CDH13: variants seen among roughly 807,000 people sequenced by gnomAD.
CDH13 encodes cadherin 13, also known as cadherin-13.
A neutral mutation model predicts 63.8 loss-of-function variants in CDH13; 24 were observed. The ratio of observed to expected loss-of-function variants is 0.38; its 90% CI spans 0.27 to 0.53. The LOEUF (loss-of-function observed/expected upper bound fraction) is 0.53, where lower values mean the gene tolerates loss of function less well. Ranked by LOEUF, CDH13 falls within the 20% of genes least tolerant of loss-of-function variation. CDH13 has a pLI of 0.85. For synonymous variants in CDH13, 503 were observed against 355.3 expected (o/e 1.42, Z -4.67); for missense variants, 1,049 against 903.1 (o/e 1.16, Z -2.07).
intron 3 of CDH13, among the ~76,000 whole-genome samples, chr16:83,099,781 T>C (rs2034385985): frequency 6.6e-6 from 1 of 152,066 alleles, no homozygotes; most frequent in African/African-American, 2.4e-5. Flanking sequence ...ACCAAAAGGC[T>C]GTTTTGAGTA....
At chr16:82,678,450 G>T (rs1914184485) in intron 1 of CDH13, among the ~76,000 whole-genome samples, 1 of 151,740 alleles carries the variant, frequency 6.6e-6, no homozygotes, top group African/African-American at 2.4e-5. Context: ...ACTTCTTAAG[G>T]GCAAGGAATA....
chr16:83,061,681 C>T lies in CDH13; in HGVS notation c.366+29463C>T, dbSNP rs767869417. ...TTGCACTGCATTAAGTGAAACCAGACGCCTCCAGTTAAACTCCAGTGAGCT... is the reference window on the plus strand; with the variant it reads ...TTGCACTGCATTAAGTGAAACCAGATGCCTCCAGTTAAACTCCAGTGAGCT... On this transcript the variant is annotated intron_variant, in intron 3 of 13. Transcript: ENST00000567109. 5.3e-5 allele frequency among the ~76,000 whole-genome samples: 8 copies of T among 152,142 alleles called. No individual in the cohort carries two copies. In the East Asian group the frequency reaches 7.7e-4, roughly 15 times the overall value.
intron 3 of CDH13, among the ~76,000 whole-genome samples, chr16:83,119,208 C>G (rs1013355428): frequency 1.3e-5 from 2 of 152,186 alleles, no homozygotes; most frequent in East Asian, 3.8e-4. Flanking sequence ...GCTACGCTGA[C>G]TAAACTTTCT....
chr16:83,298,449 A>G (rs756526159), intron 5 of CDH13, among the ~76,000 whole-genome samples: 3 of 152,168 alleles, frequency 2.0e-5, no homozygotes, highest in Non-Finnish European at 4.4e-5. Context: ...TATGTGACGG[A>G]TTCCTAGGCC....
rs79689556 is a variant in CDH13 at position 83,351,497 on chromosome 16, T to C, written c.781+6491T>C. Among the ~76,000 whole-genome samples the C allele has an allele frequency of 6.3e-3, 964 of 152,254 alleles. 9 individuals are homozygous for C. The highest frequency in any genetic ancestry group is 0.022 in the African/African-American group (922 of 41,556). On this transcript the variant is annotated intron_variant, in intron 6 of 13. Coordinates refer to ENST00000567109, the MANE Select transcript of CDH13 (RefSeq NM_001257.5). The stretch of plus-strand genomic sequence containing the variant: ...AGTTTTACAGAATGGGAGCTCTATG[T>C]GCTTTTCCGTAAATCTCTCTCTTCA...
chr16:82,931,145 A>G (rs1431727362), intron 2 of CDH13, among the ~76,000 whole-genome samples: 1 of 152,204 alleles, frequency 6.6e-6, no homozygotes, highest in Non-Finnish European at 1.5e-5. Flanking sequence ...ACTCTGCCCA[A>G]GAAACCTGCT....
chr16:82,816,145 G>A (rs1017474698), intron 1 of CDH13, among the ~76,000 whole-genome samples: 5 of 152,090 alleles, frequency 3.3e-5, no homozygotes, highest in Non-Finnish European at 7.4e-5. Flanking sequence ...AGTGACCTCA[G>A]GGTCAGCCTC....
chr16:83,511,142 G>A (rs924814200), intron 7 of CDH13, among the ~76,000 whole-genome samples: 2 of 150,230 alleles, frequency 1.3e-5, no homozygotes, highest in Admixed American at 6.7e-5. Context: ...ACACATGCAC[G>A]CACATGCACA....
intron 1 of CDH13, among the ~76,000 whole-genome samples, chr16:82,811,087 A>G (rs2047354495): frequency 6.6e-6 from 1 of 152,170 alleles, no homozygotes; most frequent in Non-Finnish European, 1.5e-5. Context: ...TTTATACTAT[A>G]TCATTGTGGT....
intron 3 of CDH13, among the ~76,000 whole-genome samples, chr16:83,101,830 C>T (rs961634762): frequency 6.6e-6 from 1 of 151,978 alleles, no homozygotes; most frequent in African/African-American, 2.4e-5. Flanking sequence ...CAGGACAGGG[C>T]TCATGGAGTA....
chr16:82,968,804 G>C (rs1389595028), intron 2 of CDH13, among the ~76,000 whole-genome samples: 1 of 152,108 alleles, frequency 6.6e-6, no homozygotes, highest in African/African-American at 2.4e-5. Flanking sequence ...TTCACAAATG[G>C]GTTTTTACAT....
intron 1 of CDH13, among the ~76,000 whole-genome samples, chr16:82,854,166 G>A (rs149124359): frequency 2.0e-5 from 3 of 152,220 alleles, no homozygotes; most frequent in Non-Finnish European, 2.9e-5. Flanking sequence ...TTGGGAGGCC[G>A]AGGCAGGCGG....
intron 1 of CDH13, among the ~76,000 whole-genome samples, chr16:82,733,234 G>C (rs530932003): frequency 1.3e-5 from 2 of 152,220 alleles, no homozygotes; most frequent in South Asian, 2.1e-4. Flanking sequence ...TCATTTCACT[G>C]GTCCTCCCCA....
At chr16:83,327,306 T>A (rs1240367040) in intron 5 of CDH13, among the ~76,000 whole-genome samples, 2 of 152,226 alleles carry the variant, frequency 1.3e-5, no homozygotes, top group Non-Finnish European at 2.9e-5. Flanking sequence ...CTGAGCTTGG[T>A]TTCTTCCTTT....
At chr16:83,768,862 A>G (rs186554061) in intron 11 of CDH13, among the ~76,000 whole-genome samples, 2 of 152,174 alleles carry the variant, frequency 1.3e-5, no homozygotes, top group Non-Finnish European at 2.9e-5. Context: ...CTGTTTTATC[A>G]GCAAGGTCTT....
At chr16:83,783,772 G>A (rs1915692977) in intron 13 of CDH13, among the ~76,000 whole-genome samples, 1 of 152,156 alleles carries the variant, frequency 6.6e-6, no homozygotes, top group African/African-American at 2.4e-5. Flanking sequence ...TTGAGCTAAT[G>A]AAAATGCGCC....
At chr16:83,231,881 G>T (rs1246311611) in intron 5 of CDH13, among the ~76,000 whole-genome samples, 2 of 152,290 alleles carry the variant, frequency 1.3e-5, no homozygotes, top group Admixed American at 6.5e-5. Flanking sequence ...CTCCTGAATG[G>T]TTCAGTGTCA....
intron 2 of CDH13, among the ~76,000 whole-genome samples, chr16:83,000,113 C>G (rs1400461544): frequency 6.6e-6 from 1 of 150,878 alleles, no homozygotes; most frequent in Non-Finnish European, 1.5e-5. Context: ...GAGGATGTTG[C>G]GGAGCGTTTG....
chr16:83,452,893 C>A lies in CDH13; in HGVS notation c.782-33584C>A, dbSNP rs558125421. On this transcript the variant is annotated intron_variant, in intron 6 of 13. Transcript: ENST00000567109. ...TTCCCCTCCTTTTGTTCCAGGAACACCAGCATTTCATTAGACTTAGACCCA... is the reference window on the plus strand; with the variant it reads ...TTCCCCTCCTTTTGTTCCAGGAACAACAGCATTTCATTAGACTTAGACCCA... Among the ~76,000 whole-genome samples, 18 of 152,256 alleles carry A rather than the reference C, an allele frequency of 1.2e-4. No individual in the cohort carries two copies. In the South Asian group the frequency reaches 3.5e-3, roughly 30 times the overall value.
Sources: gnomAD v4.1 joint callset for allele counts (sites outside exome capture counted in the v4.1 genomes callset) on GRCh38, gnomAD v4.1.1 for gene constraint, MANE v1.5 for transcripts, NCBI Gene and HGNC (gene_info 2026-07-23, HGNC 2026-07-21) for gene names.